CALN1: variants seen among roughly 807,000 people sequenced by gnomAD.
CALN1 encodes calcium-binding protein 8.
In CALN1, 17 loss-of-function variants were observed where a neutral mutation model predicts 30.6. The observed-to-expected ratio is 0.56, with a 90% CI of 0.38 to 0.83. The LOEUF is 0.83. CALN1 is among the 40% of genes least tolerant of loss of function. The pLI, the probability that CALN1 is intolerant of heterozygous loss-of-function variation, is 0.00. For synonymous variants in CALN1, 156 were observed against 131.4 expected, an observed-to-expected ratio of 1.19 and a Z score of -1.28; for missense variants, 291 against 354.9, an observed-to-expected ratio of 0.82 and a Z score of 1.45.
chr7:72,171,209 T>C (rs940903526), intron 3 of CALN1, among the ~76,000 whole-genome samples: 1 of 152,058 alleles, frequency 6.6e-6, no homozygotes, highest in African/African-American at 2.4e-5. Context: ...TATTGGCTGG[T>C]TTAAACTTTT....
At chr7:71,911,396 C>T (rs577458978) in intron 5 of CALN1, among the ~76,000 whole-genome samples, 33 of 152,278 alleles carry the variant, frequency 2.2e-4, no homozygotes, top group South Asian at 6.2e-4. Flanking sequence ...CAAGGAACCA[C>T]GCTCGGTACT....
chr7:71,818,672 TTTTATTTA>T (rs72244772), intron 5 of CALN1, among the ~76,000 whole-genome samples: 10,235 of 131,038 alleles, frequency 0.078, 541 homozygotes, highest in African/African-American at 0.16. Flanking sequence ...GACCAGCTTA[TTTTATTTA>T]TTTATTTATT....
At chr7:72,024,606 C>T (rs1800931349) in intron 4 of CALN1, among the ~76,000 whole-genome samples, 1 of 152,032 alleles carries the variant, frequency 6.6e-6, no homozygotes, top group Non-Finnish European at 1.5e-5. Context: ...ACCATGTTGC[C>T]CAGGCTGGCC....
chr7:72,260,619 T>TAGCACAA, intron 3 of CALN1, among the ~76,000 whole-genome samples: 1 of 151,858 alleles, frequency 6.6e-6, no homozygotes, highest in East Asian at 1.9e-4. Context: ...TTAAAGGGAG[T>TAGCACAA]AGCACAAAAC....
At chr7:72,304,759 A>G (rs1030972836) in intron 2 of CALN1, among the ~76,000 whole-genome samples, 17 of 152,322 alleles carry the variant, frequency 1.1e-4, no homozygotes, top group South Asian at 4.1e-4. Flanking sequence ...ACATACATAT[A>G]TATTTATAGA....
At chr7:72,085,586 G>C (rs868070852) in intron 4 of CALN1, among the ~76,000 whole-genome samples, 2 of 152,192 alleles carry the variant, frequency 1.3e-5, no homozygotes, top group African/African-American at 4.8e-5. Context: ...CCTTGGATAA[G>C]GAGGGGTTAT....
At chr7:72,300,005 G>C (rs547275469) in intron 2 of CALN1, among the ~76,000 whole-genome samples, 1 of 152,080 alleles carries the variant, frequency 6.6e-6, no homozygotes, top group South Asian at 2.1e-4. Context: ...CTCAGCCTCT[G>C]AAGTAGCTGG....
At chr7:72,353,433 A>C (rs908926393) in intron 2 of CALN1, among the ~76,000 whole-genome samples, 1 of 152,196 alleles carries the variant, frequency 6.6e-6, no homozygotes, top group Admixed American at 6.5e-5. Flanking sequence ...TTAAATTCTA[A>C]AAGATGAATC....
intron 3 of CALN1, among the ~76,000 whole-genome samples, chr7:72,272,858 G>T (rs374201808): frequency 1.3e-5 from 2 of 151,952 alleles, no homozygotes; most frequent in African/African-American, 2.4e-5. Context: ...CAACTTAACC[G>T]CAGCCATGGG....
intron 3 of CALN1, among the ~76,000 whole-genome samples, chr7:72,124,921 TA>T (rs1808637370): frequency 6.6e-6 from 1 of 152,040 alleles, no homozygotes; most frequent in Non-Finnish European, 1.5e-5. Context: ...AAAAATTACA[TA>T]AAAAAAGAAT....
chr7:72,114,212 A>G (rs1807775774), intron 3 of CALN1, among the ~76,000 whole-genome samples: 1 of 142,902 alleles, frequency 7.0e-6, no homozygotes, highest in Admixed American at 7.4e-5. Flanking sequence ...AAAACCCAAG[A>G]AAGAAGTAAA....
At chr7:72,244,865 G>GCACCATT (rs1222229212) in intron 3 of CALN1, among the ~76,000 whole-genome samples, 2 of 152,094 alleles carry the variant, frequency 1.3e-5, no homozygotes, top group Non-Finnish European at 2.9e-5. Context: ...CAGAGAGAGA[G>GCACCATT]GAAAAGCAAA....
At chr7:72,297,233 T>C (rs73361140) in intron 2 of CALN1, among the ~76,000 whole-genome samples, 1 of 152,296 alleles carries the variant, frequency 6.6e-6, no homozygotes, top group African/African-American at 2.4e-5. Flanking sequence ...TGTTCTCTTT[T>C]ATCTTAAAGA....
chr7:71,952,674 G>T (rs1014454538), intron 5 of CALN1, among the ~76,000 whole-genome samples: 4 of 102,828 alleles, frequency 3.9e-5, no homozygotes, highest in Admixed American at 1.0e-4. Flanking sequence ...CTCATTCCTG[G>T]ACTATTACAA....
rs78364974 is a variant in CALN1 at position 71,814,106 on chromosome 7, G to A, written c.502-3614C>T. Among the ~76,000 whole-genome samples the A allele has an allele frequency of 4.5e-3, 692 of 152,154 alleles. 25 individuals are homozygous for A. In the East Asian group the frequency reaches 0.094, roughly 21 times the overall value. On this transcript the variant is annotated intron_variant, in intron 5 of 6. Coordinates refer to ENST00000395275, the MANE Select transcript of CALN1 (RefSeq NM_031468.4). ...GAATCTTGGAGAACAATGTCATCCAGGGTCACTTCTAGGAAGCAGAAGCAG... is the reference window on the plus strand; with the variant it reads ...GAATCTTGGAGAACAATGTCATCCAAGGTCACTTCTAGGAAGCAGAAGCAG...
chr7:71,989,951 T>C (rs763450298), intron 5 of CALN1, among the ~76,000 whole-genome samples: 7 of 151,998 alleles, frequency 4.6e-5, no homozygotes, highest in Non-Finnish European at 1.0e-4. Context: ...CAAAATTACG[T>C]TGTAGGTTGT....
At chr7:71,958,194 T>C (rs545447571) in intron 5 of CALN1, among the ~76,000 whole-genome samples, 1 of 152,172 alleles carries the variant, frequency 6.6e-6, no homozygotes, top group South Asian at 2.1e-4. Context: ...GGATCCATCA[T>C]CTTAATAGCG....
At chr7:72,356,741 G>GA (rs1803255226) in intron 2 of CALN1, among the ~76,000 whole-genome samples, 1 of 151,908 alleles carries the variant, frequency 6.6e-6, no homozygotes, top group Admixed American at 6.5e-5. Context: ...CAAAGAACTA[G>GA]AAGAACGCAA....
intron 3 of CALN1, among the ~76,000 whole-genome samples, chr7:72,236,077 CA>C (rs1414256671): frequency 2.8e-5 from 2 of 71,342 alleles, no homozygotes; most frequent in Non-Finnish European, 5.2e-5. Context: ...GCCCATTCTC[CA>C]CAAAAAAAAA....
Sources: allele counts gnomAD v4.1 joint callset (sites outside exome capture counted in the v4.1 genomes callset), GRCh38; gene constraint gnomAD v4.1.1; transcripts MANE v1.5; gene names NCBI Gene and HGNC (gene_info 2026-07-23, HGNC 2026-07-21).